OSBPL9: variants seen among roughly 807,000 people sequenced by gnomAD.
The protein encoded by OSBPL9 is oxysterol-binding protein-related protein 9.
Under a neutral mutation model 106.6 loss-of-function variants are expected in OSBPL9, and 40 were observed. That is an observed-to-expected ratio of 0.38 (90% CI 0.29 to 0.49). OSBPL9 has a LOEUF of 0.49. Ranked by LOEUF, OSBPL9 falls within the 20% of genes least tolerant of loss-of-function variation. The probability of loss-of-function intolerance (pLI) is 0.97; values close to 1 mark genes in which losing one functional copy is unlikely to be tolerated. For missense variants in OSBPL9, 609 were observed against 887.2 expected (o/e 0.69, Z 3.98); for synonymous variants, 269 against 295.4 (o/e 0.91, Z 0.92).
upstream of OSBPL9, among the ~76,000 whole-genome samples, chr1:51,572,373 G>C (rs1457712445): frequency 6.6e-6 from 1 of 152,062 alleles, no homozygotes; most frequent in Admixed American, 6.6e-5. Context: ...GGCAGGCAAT[G>C]GTTATTATCT....
chr1:51,749,369 A>G (rs1442134471), intron 7 of OSBPL9: 2 of 171,914 alleles, frequency 1.2e-5, no homozygotes, highest in Non-Finnish European at 2.6e-5. Flanking sequence ...CTGGAGTACA[A>G]TGGTGCAGTC....
upstream of OSBPL9, among the ~76,000 whole-genome samples, chr1:51,573,087 C>T (rs1475805078): frequency 6.6e-6 from 1 of 152,046 alleles, no homozygotes; most frequent in African/African-American, 2.4e-5. Context: ...TGGCACATGC[C>T]TGTAGTCCCA....
the OSBPL9 span, among the ~76,000 whole-genome samples, chr1:51,565,099 C>T: frequency 7.2e-5 from 11 of 152,304 alleles, no homozygotes; most frequent in South Asian, 6.2e-4. Context: ...GGCAACTGCC[C>T]GTCTCTCTGC....
At chr1:51,585,000 T>C (rs1330757547) in intron 1 of OSBPL9, among the ~76,000 whole-genome samples, 2 of 152,038 alleles carry the variant, frequency 1.3e-5, no homozygotes, top group Non-Finnish European at 2.9e-5. Context: ...TTCTGGAGGG[T>C]GCTAAGCACT....
chr1:51,731,370 G>T (rs540666734), intron 4 of OSBPL9, among the ~76,000 whole-genome samples: 1 of 152,128 alleles, frequency 6.6e-6, no homozygotes, highest in East Asian at 1.9e-4. Flanking sequence ...AGGATCCCTT[G>T]AGCCCAGAAG....
At chr1:51,553,508 T>C in the OSBPL9 span, among the ~76,000 whole-genome samples, 1 of 151,674 alleles carries the variant, frequency 6.6e-6, no homozygotes, top group Non-Finnish European at 1.5e-5. Flanking sequence ...AGCAAGACCC[T>C]GTCTCAACGA....
At chr1:51,526,390 C>T in the OSBPL9 span, among the ~76,000 whole-genome samples, 1 of 152,072 alleles carries the variant, frequency 6.6e-6, no homozygotes. Flanking sequence ...TAGAAAATAC[C>T]CAGAAGGACT....
At chr1:51,672,013 G>A (rs1649995551) in intron 3 of OSBPL9, among the ~76,000 whole-genome samples, 1 of 152,144 alleles carries the variant, frequency 6.6e-6, no homozygotes, top group African/African-American at 2.4e-5. Context: ...GATAACCATG[G>A]GTGGAGAGTA....
Position 51,729,960 on chromosome 1 carries a change from C to A in OSBPL9, c.319-15576C>A. 1 of 1,316,344 alleles carries A rather than the reference C, an allele frequency of 7.6e-7. No individual in the cohort carries two copies. Among genetic ancestry groups the A allele is most frequent in the African/African-American group, 1.5e-5 (1 of 66,534 alleles). 81.5% of individuals were successfully genotyped at this position (1,316,344 alleles called of 1,614,324 possible). On this transcript the variant is annotated intron_variant, in intron 4 of 23. Coordinates refer to ENST00000428468, the MANE Select transcript of OSBPL9 (RefSeq NM_024586.6). The surrounding 1 kb of genome is among the most constrained non-coding windows in gnomAD (Gnocchi z 5.1). ...CTACCTCCCCTGGAGGCACAGAGGG[C>A]GGGGGCCTTGGCGAATGGCTTTCTT...
At chr1:51,565,236 G>A in the OSBPL9 span, among the ~76,000 whole-genome samples, 26 of 152,118 alleles carry the variant, frequency 1.7e-4, no homozygotes, top group African/African-American at 6.3e-4. Flanking sequence ...GGTGGGTGAG[G>A]CCCTTCCTGG....
At chr1:51,599,088 C>T (rs1265355916) in intron 2 of OSBPL9, among the ~76,000 whole-genome samples, 1 of 151,936 alleles carries the variant, frequency 6.6e-6, no homozygotes. Flanking sequence ...TGCTGCATGA[C>T]TGTAGTCCTA....
At chr1:51,601,931 T>G (rs1473028436) in intron 2 of OSBPL9, among the ~76,000 whole-genome samples, 1 of 151,218 alleles carries the variant, frequency 6.6e-6, no homozygotes, top group East Asian at 1.9e-4. Context: ...CCAAAATCTC[T>G]CTGCTAGTCA....
chr1:51,721,747 G>T (rs1203239888), intron 4 of OSBPL9, among the ~76,000 whole-genome samples: 1 of 152,108 alleles, frequency 6.6e-6, no homozygotes, highest in Non-Finnish European at 1.5e-5. Flanking sequence ...TTCATATCAT[G>T]TAGAAAAATA....
the OSBPL9 span, among the ~76,000 whole-genome samples, chr1:51,529,065 A>G: frequency 6.6e-6 from 1 of 152,236 alleles, no homozygotes; most frequent in Non-Finnish European, 1.5e-5. Flanking sequence ...GATTGTTAAT[A>G]TGGTAATACT....
At chr1:51,704,721 G>T (rs114983321) in intron 3 of OSBPL9, among the ~76,000 whole-genome samples, 2 of 152,046 alleles carry the variant, frequency 1.3e-5, no homozygotes, top group Admixed American at 6.6e-5. Context: ...GAGGTGCCTC[G>T]TCACATTAAA....
chr1:51,518,872 G>A, the OSBPL9 span, among the ~76,000 whole-genome samples: 1 of 151,734 alleles, frequency 6.6e-6, no homozygotes, highest in Non-Finnish European at 1.5e-5. Flanking sequence ...GGTGAAAGCT[G>A]CCCCGCGGGA....
At chr1:51,580,996 G>A (rs1349805110) in intron 1 of OSBPL9, among the ~76,000 whole-genome samples, 1 of 130,192 alleles carries the variant, frequency 7.7e-6, no homozygotes, top group African/African-American at 2.9e-5. Flanking sequence ...CCAGGCTGGA[G>A]TGCAGTGGCA....
At chr1:51,711,314 G>C (rs1269439036) in intron 3 of OSBPL9, among the ~76,000 whole-genome samples, 1 of 149,258 alleles carries the variant, frequency 6.7e-6, no homozygotes, top group Non-Finnish European at 1.5e-5. Context: ...CTCCCGGACG[G>C]GGCGGCTGGC....
intron 8 of OSBPL9, 97 bp from the exon 9 acceptor site, chr1:51,756,223 T>A: frequency 1.0e-6 from 1 of 988,486 alleles, no homozygotes; most frequent in Non-Finnish European, 1.6e-6. Context: ...TCTAACATTA[T>A]TACTTACCTA....
Sources: gnomAD v4.1 joint callset for allele counts (sites outside exome capture counted in the v4.1 genomes callset) on GRCh38, gnomAD v4.1.1 for gene constraint, Gnocchi (gnomAD v3.1) non-coding constraint, MANE v1.5 for transcripts, NCBI Gene and HGNC (gene_info 2026-07-23, HGNC 2026-07-21) for gene names.